ROBO2: variants seen among roughly 807,000 people sequenced by gnomAD.
ROBO2 encodes roundabout guidance receptor 2.
ROBO2 carries 53 observed loss-of-function variants against 160.8 expected under a neutral mutation model. That is an observed-to-expected ratio of 0.33 (90% CI 0.26 to 0.41). ROBO2 has a LOEUF of 0.41. ROBO2 is among the 10% of genes least tolerant of loss of function. The pLI, the probability that ROBO2 is intolerant of heterozygous loss-of-function variation, is 1.00. For missense variants in ROBO2, 1,577 were observed against 1,722.4 expected (o/e 0.92, Z 1.49); for synonymous variants, 664 against 611.7 (o/e 1.09, Z -1.26).
intron 2 of ROBO2, among the ~76,000 whole-genome samples, chr3:77,277,874 A>C (rs2059993868): frequency 6.6e-6 from 1 of 152,122 alleles, no homozygotes; most frequent in African/African-American, 2.4e-5. Flanking sequence ...ATCCCTGAGG[A>C]ATTGCCACAC....
chr3:76,483,047 T>C (rs1412699822), intron 2 of ROBO2, among the ~76,000 whole-genome samples: 1 of 152,116 alleles, frequency 6.6e-6, no homozygotes, highest in Admixed American at 6.6e-5. Context: ...AATGGAAATG[T>C]GGGATTTTGT....
At chr3:77,630,760 G>A (rs1213852733) in intron 23 of ROBO2, 2 of 151,964 alleles carry the variant, frequency 1.3e-5, no homozygotes, top group Non-Finnish European at 2.9e-5. Context: ...AGGGGTTTAG[G>A]AGTAAAACAA....
intron 2 of ROBO2, among the ~76,000 whole-genome samples, chr3:76,049,403 ATTTTTTTTT>A (rs1167852972): frequency 3.7e-5 from 2 of 53,752 alleles, no homozygotes; most frequent in Non-Finnish European, 5.5e-5. Context: ...ATATATATAT[ATTTTTTTTT>A]TTTTTTTTTT....
chr3:76,259,826 G>A (rs1218279707), intron 2 of ROBO2, among the ~76,000 whole-genome samples: 2 of 152,104 alleles, frequency 1.3e-5, no homozygotes, highest in Admixed American at 6.6e-5. Flanking sequence ...GAGTGAACAG[G>A]AAGCTTATGC....
intron 2 of ROBO2, among the ~76,000 whole-genome samples, chr3:76,389,270 G>A (rs2077037024): frequency 6.6e-6 from 1 of 152,092 alleles, no homozygotes; most frequent in African/African-American, 2.4e-5. Context: ...CTCCCTTCAG[G>A]GGATCTTCAA....
rs554880593 is a variant in ROBO2 at position 77,428,461 on chromosome 3, A to G, written c.389-48953A>G. On this transcript the variant is annotated intron_variant, in intron 2 of 25. Coordinates refer to ENST00000461745, the Ensembl canonical transcript of ROBO2. ...AAGCTCCACTTCCCGGGTTCACGCC[A>G]TTCTCCTGCCTCAGCCTCCCGAGTA... Among the ~76,000 whole-genome samples, 487 of 143,392 alleles carry G rather than the reference A, an allele frequency of 3.4e-3. 6 individuals are homozygous for G. The highest frequency in any genetic ancestry group is 0.012 in the African/African-American group (460 of 38,128). The allele number at this position is 143,392 out of a possible 152,430, so 94.1% of individuals were successfully genotyped here.
At chr3:76,323,784 A>G (rs1440541823) in intron 2 of ROBO2, among the ~76,000 whole-genome samples, 1 of 152,162 alleles carries the variant, frequency 6.6e-6, no homozygotes, top group Non-Finnish European at 1.5e-5. Flanking sequence ...TTAATTTTTC[A>G]TATGTATCTT....
intron 2 of ROBO2, among the ~76,000 whole-genome samples, chr3:76,109,279 A>G (rs1430326130): frequency 6.6e-6 from 1 of 152,090 alleles, no homozygotes; most frequent in South Asian, 2.1e-4. Context: ...TGAGTTGCAG[A>G]GAAAACTATG....
At chr3:76,550,372 T>A (rs998293865) in intron 2 of ROBO2, among the ~76,000 whole-genome samples, 2 of 152,218 alleles carry the variant, frequency 1.3e-5, no homozygotes, top group Admixed American at 1.3e-4. Flanking sequence ...ATCCATAAAT[T>A]CCACATCCAT....
intron 2 of ROBO2, chr3:76,434,416 C>T (rs2076575016): frequency 1.3e-6 from 2 of 1,569,248 alleles, no homozygotes; most frequent in Admixed American, 1.7e-5. Flanking sequence ...GTATCCAGGC[C>T]CTGGGCTGGG....
At chr3:76,592,105 A>T (rs140566451) in intron 2 of ROBO2, among the ~76,000 whole-genome samples, 66 of 152,224 alleles carry the variant, frequency 4.3e-4, no homozygotes, top group African/African-American at 1.3e-3. Context: ...CTGTTAAAAA[A>T]AAAGCTGAGC....
chr3:76,173,302 T>C (rs2073111689), intron 2 of ROBO2, among the ~76,000 whole-genome samples: 5 of 151,858 alleles, frequency 3.3e-5, no homozygotes, highest in Admixed American at 2.6e-4. Flanking sequence ...TTCAGATAAG[T>C]CTATCTAACA....
rs1553693025 is a variant in ROBO2, at chr3:76,272,832, T to TATATATATTTATATATAAAATATATAA, written c.109+335239_109+335240insTATATATAAAATATATAAATATATATT. 5.5e-4 allele frequency among the ~76,000 whole-genome samples: 21 copies of TATATATATTTATATATAAAATATATAA among 38,284 alleles called. 1 individual carries two copies. The highest frequency in any genetic ancestry group is 1.5e-3 in the South Asian group (2 of 1,350). The allele number at this position is 38,284 out of a possible 152,430, so 25.1% of individuals were successfully genotyped here. A position where few individuals can be genotyped will look rare whatever the true frequency, so the allele number is the denominator to read the frequency against. On this transcript the variant is annotated intron_variant, in intron 2 of 26. Transcript: ENST00000487694. ...ATATAATATGTATTTATATATAAAA[T>TATATATATTTATATATAAAATATATAA]ATATATATTATATATTATATATAAA... is the stretch of plus-strand genomic sequence containing the variant.
At chr3:75,980,565 C>T (rs1576368103) in intron 2 of ROBO2, among the ~76,000 whole-genome samples, 2 of 151,526 alleles carry the variant, frequency 1.3e-5, no homozygotes, top group East Asian at 3.9e-4. Flanking sequence ...AGTTTATTTT[C>T]ACATGAAATA....
chr3:76,075,658 G>A (rs1317807756), intron 2 of ROBO2, among the ~76,000 whole-genome samples: 1 of 152,110 alleles, frequency 6.6e-6, no homozygotes, highest in African/African-American at 2.4e-5. Context: ...TATCCCAATA[G>A]CGTAGACAAA....
intron 2 of ROBO2, among the ~76,000 whole-genome samples, chr3:77,438,740 G>A (rs893969648): frequency 2.0e-5 from 3 of 151,880 alleles, no homozygotes; most frequent in African/African-American, 4.8e-5. Flanking sequence ...ACAAAAACAG[G>A]CAACAGGCAG....
At chr3:77,339,548 T>C (rs1014132069) in intron 2 of ROBO2, among the ~76,000 whole-genome samples, 2 of 152,086 alleles carry the variant, frequency 1.3e-5, no homozygotes. Context: ...CAAGAAATGA[T>C]CTTGGTCAGT....
intron 2 of ROBO2, among the ~76,000 whole-genome samples, chr3:76,401,300 A>G (rs537535186): frequency 6.6e-6 from 1 of 151,656 alleles, no homozygotes; most frequent in Non-Finnish European, 1.5e-5. Context: ...TGAATGACAC[A>G]CTACGTGACT....
chr3:77,358,570 G>T (rs1462444262), intron 2 of ROBO2, among the ~76,000 whole-genome samples: 1 of 152,066 alleles, frequency 6.6e-6, no homozygotes, highest in East Asian at 1.9e-4. Flanking sequence ...TCTTGAACTT[G>T]GTAGATATTG....
Sources: allele counts gnomAD v4.1 joint callset (sites outside exome capture counted in the v4.1 genomes callset), GRCh38; gene constraint gnomAD v4.1.1; transcripts MANE v1.5; gene names NCBI Gene and HGNC (gene_info 2026-07-23, HGNC 2026-07-21).